The following DCC variants were observed in gnomAD, a reference collection of about 807,000 sequenced individuals.
DCC encodes netrin receptor DCC.
In DCC, 58 loss-of-function variants were observed where a neutral mutation model predicts 172.5. The observed-to-expected ratio is 0.34, with a 90% confidence interval of 0.27 to 0.42. The LOEUF is 0.42. Among genes scored for constraint, DCC ranks in the 10% least tolerant of loss-of-function variants. The probability of loss-of-function intolerance (pLI) is 1.00; values close to 1 mark genes in which losing one functional copy is unlikely to be tolerated. For synonymous variants in DCC, 709 were observed against 644.5 expected (o/e 1.10, Z -1.52); for missense variants, 1,740 against 1,791.0 (o/e 0.97, Z 0.51).
chr18:52,365,290 C>A (rs969426005), intron 1 of DCC, among the ~76,000 whole-genome samples: 1 of 152,176 alleles, frequency 6.6e-6, no homozygotes, highest in Non-Finnish European at 1.5e-5. Context: ...ATTTCATTAA[C>A]TAATGCTCTC....
chr18:53,002,053 T>A (rs2041573691), intron 5 of DCC, among the ~76,000 whole-genome samples: 1 of 152,152 alleles, frequency 6.6e-6, no homozygotes, highest in Non-Finnish European at 1.5e-5. Flanking sequence ...ACTTTATTGT[T>A]AACACTTAGT....
intron 27 of DCC, among the ~76,000 whole-genome samples, chr18:53,525,304 C>T (rs1409852394): frequency 1.3e-5 from 2 of 152,060 alleles, no homozygotes; most frequent in African/African-American, 4.8e-5. Flanking sequence ...CTTTTGTAGG[C>T]ACTCAGTAAA....
chr18:52,357,127 C>T (rs1984404031), intron 1 of DCC, among the ~76,000 whole-genome samples: 1 of 152,122 alleles, frequency 6.6e-6, no homozygotes, highest in Non-Finnish European at 1.5e-5. Context: ...TGGACACTTT[C>T]CAAAAGCAGG....
chr18:53,366,839 T>C (rs1308985175), intron 15 of DCC, among the ~76,000 whole-genome samples: 1 of 152,202 alleles, frequency 6.6e-6, no homozygotes, highest in Non-Finnish European at 1.5e-5. Context: ...ACTCACAGAA[T>C]GCAGTAGAAC....
intron 1 of DCC, among the ~76,000 whole-genome samples, chr18:52,567,729 G>A (rs1291157829): frequency 6.6e-6 from 1 of 151,968 alleles, no homozygotes; most frequent in East Asian, 1.9e-4. Flanking sequence ...TTTCCATGAT[G>A]GGTACACTAC....
At chr18:53,424,689 G>A (rs1180969362) in intron 21 of DCC, among the ~76,000 whole-genome samples, 1 of 152,150 alleles carries the variant, frequency 6.6e-6, no homozygotes, top group Non-Finnish European at 1.5e-5. Flanking sequence ...GGATGGAAAA[G>A]TTAGGAAGCC....
At chr18:52,762,482 A>C (rs377172246) in intron 2 of DCC, among the ~76,000 whole-genome samples, 8,467 of 149,748 alleles carry the variant, frequency 0.057, 324 homozygotes, top group Non-Finnish European at 0.08. Context: ...CAAAAAAAAA[A>C]AAACAAACAT....
At chr18:53,298,439 G>A (rs1375916905) in intron 12 of DCC, among the ~76,000 whole-genome samples, 1 of 146,660 alleles carries the variant, frequency 6.8e-6, no homozygotes, top group Non-Finnish European at 1.5e-5. Context: ...GAGGTGGAAG[G>A]ATCACTTGAA....
At chr18:53,125,246 T>C (rs147916606) in intron 7 of DCC, among the ~76,000 whole-genome samples, 63 of 152,234 alleles carry the variant, frequency 4.1e-4, no homozygotes, top group African/African-American at 1.4e-3. Context: ...TTAGGAGTTT[T>C]ATTTTGTTAT....
intron 25 of DCC, among the ~76,000 whole-genome samples, chr18:53,474,414 A>G (rs761401506): frequency 1.1e-4 from 16 of 152,186 alleles, no homozygotes; most frequent in East Asian, 1.9e-4. Context: ...GGGGTTTAAT[A>G]TGGTTTGGCT....
intron 13 of DCC, among the ~76,000 whole-genome samples, chr18:53,307,009 G>A (rs957312595): frequency 3.9e-5 from 6 of 152,290 alleles, no homozygotes; most frequent in African/African-American, 1.4e-4. Flanking sequence ...CAGATACTCA[G>A]CGAATTTCCA....
At chr18:53,350,968 G>C (rs1290777677) in intron 15 of DCC, among the ~76,000 whole-genome samples, 1 of 151,518 alleles carries the variant, frequency 6.6e-6, no homozygotes, top group East Asian at 1.9e-4. Flanking sequence ...ATAAGAAAAG[G>C]TCACTCCATG....
intron 5 of DCC, among the ~76,000 whole-genome samples, chr18:53,045,177 C>G (rs1468864000): frequency 6.6e-6 from 1 of 151,804 alleles, no homozygotes; most frequent in Non-Finnish European, 1.5e-5. Context: ...TATGCAAATA[C>G]TTTAGAGAAT....
chr18:53,474,054 A>G (rs779387558), intron 25 of DCC, among the ~76,000 whole-genome samples: 2 of 152,294 alleles, frequency 1.3e-5, no homozygotes, highest in African/African-American at 4.8e-5. Context: ...ATAACAACAC[A>G]TACATGGTTT....
intron 1 of DCC, among the ~76,000 whole-genome samples, chr18:52,351,977 C>A (rs566177119): frequency 6.6e-6 from 1 of 152,268 alleles, no homozygotes; most frequent in East Asian, 1.9e-4. Flanking sequence ...GCCCTGTGGT[C>A]TTTGGTCTCG....
intron 12 of DCC, among the ~76,000 whole-genome samples, chr18:53,259,047 G>C (rs1451692926): frequency 1.3e-5 from 2 of 151,270 alleles, no homozygotes; most frequent in African/African-American, 2.4e-5. Context: ...CCTTTTTTTT[G>C]TTTTCCATTT....
chr18:52,770,267 T>C (rs554169846), intron 2 of DCC, among the ~76,000 whole-genome samples: 1 of 152,158 alleles, frequency 6.6e-6, no homozygotes. Context: ...TCCTCCCACA[T>C]CAAGTCTTGG....
chr18:52,919,684 T>G (rs1335368695), intron 3 of DCC, among the ~76,000 whole-genome samples: 1 of 152,030 alleles, frequency 6.6e-6, no homozygotes, highest in East Asian at 1.9e-4. Context: ...CCACTGATAT[T>G]TTAAAACAAA....
chr18:53,190,677 T>C (rs1413996074), intron 9 of DCC, among the ~76,000 whole-genome samples: 2 of 152,162 alleles, frequency 1.3e-5, no homozygotes, highest in African/African-American at 4.8e-5. Flanking sequence ...CAGGGCGTAG[T>C]GGTTCACGCC....
Sources: allele counts gnomAD v4.1 joint callset (sites outside exome capture counted in the v4.1 genomes callset), GRCh38; gene constraint gnomAD v4.1.1; transcripts MANE v1.5; gene names NCBI Gene and HGNC (gene_info 2026-07-23, HGNC 2026-07-21).